The following AGBL2 variants were observed in gnomAD, a reference collection of about 807,000 sequenced individuals.
The protein encoded by AGBL2 is AGBL carboxypeptidase 2.
AGBL2 carries 87 observed loss-of-function variants against 103.0 expected under a neutral mutation model. That is an observed-to-expected ratio of 0.84 (90% CI 0.71 to 1.01). The LOEUF (loss-of-function observed/expected upper bound fraction) is 1.01. Ranked by LOEUF, AGBL2 falls within the 50% of genes least tolerant of loss-of-function variation. The probability of loss-of-function intolerance (pLI) is 0.00; values close to 1 mark genes in which losing one functional copy is unlikely to be tolerated. For synonymous variants in AGBL2, 335 were observed against 356.7 expected (o/e 0.94, Z 0.69); for missense variants, 904 against 1,023.5 (o/e 0.88, Z 1.59).
chr11:47,690,883 T>C (rs746220891), intron 9 of AGBL2, 25 bp from the exon 10 acceptor site: 1 of 1,573,808 alleles, frequency 6.4e-7, no homozygotes, highest in Admixed American at 1.8e-5. Context: ...ATAGAACAAC[T>C]CTGTAAGCTT....
chr11:47,682,009 G>C lies in AGBL2; in HGVS notation c.1875C>G (p.Asn625Lys). Reference protein sequence around the residue: ...RVVMWRMGILNSYTMESTFGG... With the variant: ...RVVMWRMGILKSYTMESTFGG... ...CAAAGGTAGACTCCATGGTGTAGCTGTTTAGGATTCCCATCCGCCACATAA... is the reference window on the plus strand; with the variant it reads ...CAAAGGTAGACTCCATGGTGTAGCTCTTTAGGATTCCCATCCGCCACATAA... The change falls in exon 12 of 19, where the codon AAC becomes AAG. Residue 625 changes from asparagine (N) to lysine (K), a missense_variant. By Grantham distance (94) the Asn-to-Lys change is moderately conservative. Coordinates refer to ENST00000525123, the MANE Select transcript of AGBL2 (RefSeq NM_024783.4). 6.2e-7 allele frequency: 1 copy of C among 1,614,122 alleles called. No individual in the cohort carries two copies. Among genetic ancestry groups the C allele is most frequent in the Non-Finnish European group, 8.5e-7 (1 of 1,180,012 alleles).
At chr11:47,668,957 T>C in intron 14 of AGBL2, 50 bp from the exon 15 acceptor site, 3 of 1,318,028 alleles carry the variant, frequency 2.3e-6, no homozygotes, top group East Asian at 2.3e-5. Flanking sequence ...TTGATATGTC[T>C]AGGAAGCATA....
intron 16 of AGBL2, 55 bp downstream of exon 16, chr11:47,667,516 C>G (rs2097344492): frequency 6.3e-7 from 1 of 1,594,468 alleles, no homozygotes; most frequent in Admixed American, 1.8e-5. Context: ...TTCCTTATCC[C>G]TCTATGGAAT....
chr11:47,711,526 A>T (rs2097536346), intron 3 of AGBL2, among the ~76,000 whole-genome samples: 1 of 151,778 alleles, frequency 6.6e-6, no homozygotes, highest in South Asian at 2.1e-4. Flanking sequence ...TGCCTACACA[A>T]CCCCTCCCTG....
chr11:47,696,037 G>GAAAAAGA (rs2097471036), intron 8 of AGBL2, among the ~76,000 whole-genome samples: 1 of 88,906 alleles, frequency 1.1e-5, no homozygotes, highest in Non-Finnish European at 2.0e-5. Context: ...AAAAAAAAAA[G>GAAAAAGA]AAAAAAAAAA....
intron 14 of AGBL2, among the ~76,000 whole-genome samples, chr11:47,675,551 G>A (rs562772966): frequency 7.9e-5 from 12 of 151,322 alleles, no homozygotes; most frequent in East Asian, 7.9e-4. Flanking sequence ...ACCACACCCA[G>A]CTAATTTTTG....
intron 7 of AGBL2, among the ~76,000 whole-genome samples, chr11:47,701,364 A>G (rs1349604061): frequency 1.3e-5 from 2 of 151,108 alleles, no homozygotes; most frequent in African/African-American, 2.4e-5. Context: ...CCAGCTACTC[A>G]GGAGGCTGAG....
At chr11:47,706,675 A>G (rs544330537) in intron 4 of AGBL2, among the ~76,000 whole-genome samples, 1 of 152,106 alleles carries the variant, frequency 6.6e-6, no homozygotes, top group Non-Finnish European at 1.5e-5. Flanking sequence ...TGAGCCCAGG[A>G]ATTTGAGTCC....
At chr11:47,674,462 G>A (rs1231129481) in intron 14 of AGBL2, among the ~76,000 whole-genome samples, 1 of 151,666 alleles carries the variant, frequency 6.6e-6, no homozygotes, top group Non-Finnish European at 1.5e-5. Flanking sequence ...AGCTACTTGA[G>A]GGGCTGAGGC....
chr11:47,700,483 G>T (rs1244504642), intron 7 of AGBL2, among the ~76,000 whole-genome samples: 2 of 152,046 alleles, frequency 1.3e-5, no homozygotes, highest in African/African-American at 4.8e-5. Flanking sequence ...GGAGGCTGAG[G>T]TAGGAGAATC....
intron 10 of AGBL2, among the ~76,000 whole-genome samples, chr11:47,686,959 C>CAAAAA (rs56079169): frequency 1.9e-5 from 1 of 51,592 alleles, no homozygotes; most frequent in Non-Finnish European, 3.3e-5. Context: ...AACTCTATCT[C>CAAAAA]AAAAAAAAAA....
At chr11:47,693,814 C>T (rs898108142) in intron 8 of AGBL2, among the ~76,000 whole-genome samples, 1 of 152,086 alleles carries the variant, frequency 6.6e-6, no homozygotes, top group African/African-American at 2.4e-5. Context: ...ATATGTTATT[C>T]TTGTCATGTG....
At chr11:47,667,379 G>C (rs1013071839) in intron 16 of AGBL2, among the ~76,000 whole-genome samples, 192 bp downstream of exon 16, 1 of 152,128 alleles carries the variant, frequency 6.6e-6, no homozygotes, top group Admixed American at 6.6e-5. Flanking sequence ...AGGTTCAGTG[G>C]GCCAAGGCCA....
chr11:47,671,933 A>G (rs1462392071), intron 14 of AGBL2, among the ~76,000 whole-genome samples: 9 of 152,182 alleles, frequency 5.9e-5, no homozygotes, highest in African/African-American at 2.2e-4. Flanking sequence ...TTCCTTTGCA[A>G]TCGTGACAAT....
At chr11:47,707,157 C>A (rs981074185) in intron 4 of AGBL2, among the ~76,000 whole-genome samples, 2 of 152,030 alleles carry the variant, frequency 1.3e-5, no homozygotes, top group Non-Finnish European at 2.9e-5. Context: ...AGAGATCGTG[C>A]CTTTCTACTC....
chr11:47,696,540 AG>A (rs1261056422), intron 8 of AGBL2, among the ~76,000 whole-genome samples: 1 of 152,136 alleles, frequency 6.6e-6, no homozygotes, highest in African/African-American at 2.4e-5. Context: ...CTGGGATTAG[AG>A]GCCTGAACTA....
intron 8 of AGBL2, among the ~76,000 whole-genome samples, chr11:47,695,456 CG>C (rs2097464603): frequency 2.5e-5 from 3 of 121,054 alleles, no homozygotes; most frequent in African/African-American, 6.6e-5. Flanking sequence ...GCCTGGGCGA[CG>C]AAAGTGAAAC....
At chr11:47,689,964 G>T in intron 10 of AGBL2, 112 bp downstream of exon 10, 1 of 951,296 alleles carries the variant, frequency 1.1e-6, no homozygotes, top group Non-Finnish European at 1.5e-6. Context: ...TGTCTCCAAA[G>T]TCATACTCAA....
At position 47,675,270 on chromosome 11, in the gene AGBL2, G is replaced by A. The variant is rs899645973; in HGVS notation, c.2147+2001C>T. On this transcript the variant is annotated intron_variant, in intron 14 of 18. Transcript: ENST00000525123. ...ATAGCGCAGATTGTAGTACACTAGCGCGGCCATACCTCACTGCAACCTCGA... is the reference window on the plus strand; with the variant it reads ...ATAGCGCAGATTGTAGTACACTAGCACGGCCATACCTCACTGCAACCTCGA... 9.0e-5 allele frequency among the ~76,000 whole-genome samples: 12 copies of A among 133,082 alleles called. No individual in the cohort carries two copies. The East Asian group carries it at 9.6e-4, about 11-fold the overall frequency. 87.3% of individuals were successfully genotyped at this position (133,082 alleles called of 152,430 possible). A position where few individuals can be genotyped will look rare whatever the true frequency, so the allele number is the denominator to read the frequency against.
Sources: allele counts gnomAD v4.1 joint callset (sites outside exome capture counted in the v4.1 genomes callset), GRCh38; gene constraint gnomAD v4.1.1; transcripts MANE v1.5; gene names NCBI Gene and HGNC (gene_info 2026-07-23, HGNC 2026-07-21).